Variants in OCIAD2 observed in about 807,000 individuals in gnomAD.
OCIAD2 encodes OCIA domain-containing protein 2.
OCIAD2 carries 29 observed loss-of-function variants against 22.9 expected under a neutral mutation model. The ratio of observed to expected loss-of-function variants is 1.27; its 90% CI spans 0.94 to 1.73. The LOEUF (loss-of-function observed/expected upper bound fraction) is 1.73. Among genes scored for constraint, OCIAD2 ranks in the 40% most tolerant of loss-of-function variants. OCIAD2 has a pLI of 0.00. For missense variants in OCIAD2, 189 were observed against 180.3 expected (o/e 1.05, Z -0.28); for synonymous variants, 67 against 60.2 (o/e 1.11, Z -0.52).
intron 6 of OCIAD2, among the ~76,000 whole-genome samples, chr4:48,890,612 A>G (rs1033480140): frequency 1.3e-5 from 2 of 152,184 alleles, no homozygotes; most frequent in Admixed American, 6.5e-5. Context: ...ATACCAAGGA[A>G]AATGCACAGG....
At chr4:48,900,684 A>G (rs1781396851) in intron 2 of OCIAD2, among the ~76,000 whole-genome samples, 1 of 149,022 alleles carries the variant, frequency 6.7e-6, no homozygotes, top group Non-Finnish European at 1.5e-5. Context: ...CTGGGCTAGA[A>G]TGCAAGGGCG....
At position 48,898,331 on chromosome 4, in the gene OCIAD2, CTCTT is replaced by C. The variant is rs755221764; in HGVS notation, c.164-478_164-475del. 3.8e-3 allele frequency among the ~76,000 whole-genome samples: 582 copies of C among 152,252 alleles called. 4 individuals carry two copies. The highest frequency in any genetic ancestry group is 6.2e-3 in the Non-Finnish European group (425 of 68,008). ...GAACATTTTGCCAAATTTGCTTTAT[CTCTT>C]TCTAATTTTTCCTTTTTTGTCTGAG... On this transcript the variant is annotated intron_variant, in intron 3 of 6. Transcript: ENST00000508632.
chr4:48,896,246 A>C (rs1781298613), intron 4 of OCIAD2, among the ~76,000 whole-genome samples: 1 of 152,004 alleles, frequency 6.6e-6, no homozygotes, highest in African/African-American at 2.4e-5. Context: ...CCAGAAAAGA[A>C]CTAGGACTTC....
chr4:48,895,686 C>T (rs78039621), intron 4 of OCIAD2, among the ~76,000 whole-genome samples: 3,220 of 152,274 alleles, frequency 0.021, 42 homozygotes, highest in Middle Eastern at 0.037. Context: ...ATTCACACCA[C>T]AAGCAGTAGA....
At chr4:48,900,468 C>A (rs1164635500) in intron 2 of OCIAD2, among the ~76,000 whole-genome samples, 1 of 151,764 alleles carries the variant, frequency 6.6e-6, no homozygotes, top group Non-Finnish European at 1.5e-5. Context: ...TACTTTCAAT[C>A]TGGATGCTTT....
chr4:48,896,308 G>A (rs1167923426), intron 4 of OCIAD2, among the ~76,000 whole-genome samples: 1 of 151,978 alleles, frequency 6.6e-6, no homozygotes, highest in Non-Finnish European at 1.5e-5. Flanking sequence ...TGGTAATCAA[G>A]GCTGGGTGTG....
chr4:48,892,935 A>G (rs1337867615), intron 5 of OCIAD2, 46 bp from the exon 6 acceptor site: 1 of 958,326 alleles, frequency 1.0e-6, no homozygotes, highest in East Asian at 2.6e-5. Flanking sequence ...CTTCTCCATT[A>G]GTTATTTTCT....
intron 1 of OCIAD2, among the ~76,000 whole-genome samples, chr4:48,906,307 G>C (rs1323679797): frequency 6.6e-6 from 1 of 152,176 alleles, no homozygotes; most frequent in Non-Finnish European, 1.5e-5. Flanking sequence ...CGACGAATGT[G>C]CGGAGGAGGG....
intron 6 of OCIAD2, among the ~76,000 whole-genome samples, chr4:48,890,056 T>C (rs1361810901): frequency 7.8e-6 from 1 of 127,768 alleles, no homozygotes; most frequent in African/African-American, 3.0e-5. Context: ...AACTGAACAA[T>C]GAGAACACTT....
intron 4 of OCIAD2, chr4:48,897,120 C>T (rs1398245094): frequency 6.6e-6 from 1 of 152,584 alleles, no homozygotes; most frequent in East Asian, 1.9e-4. Context: ...CTCCCTGCAA[C>T]ATCCTTATTT....
intron 6 of OCIAD2, among the ~76,000 whole-genome samples, chr4:48,890,021 C>T (rs187908687): frequency 6.7e-6 from 1 of 149,340 alleles, no homozygotes; most frequent in South Asian, 2.1e-4. Context: ...AAACCAAACA[C>T]CGCATGTTCT....
At chr4:48,899,692 A>G in intron 3 of OCIAD2, 137 bp downstream of exon 3, 1 of 620,574 alleles carries the variant, frequency 1.6e-6, no homozygotes. Flanking sequence ...ACTTGGATTT[A>G]AACTCTAAAC....
At chr4:48,904,863 A>G (rs1404136121) in intron 1 of OCIAD2, among the ~76,000 whole-genome samples, 1 of 152,206 alleles carries the variant, frequency 6.6e-6, no homozygotes, top group Non-Finnish European at 1.5e-5. Flanking sequence ...GTGCCAGGCC[A>G]GGGGATATGA....
intron 4 of OCIAD2, among the ~76,000 whole-genome samples, chr4:48,896,401 G>T (rs2605241): frequency 0.07 from 10,698 of 152,028 alleles, 412 homozygotes; most frequent in Non-Finnish European, 0.089. Flanking sequence ...ACCAGCCTAG[G>T]CAATATAGTG....
chr4:48,904,948 A>C (rs1336300741), intron 1 of OCIAD2, among the ~76,000 whole-genome samples: 1 of 152,208 alleles, frequency 6.6e-6, no homozygotes, highest in Non-Finnish European at 1.5e-5. Flanking sequence ...CAACAGTTAC[A>C]CAACATGAAA....
intron 6 of OCIAD2, among the ~76,000 whole-genome samples, chr4:48,886,636 C>T (rs148250706): frequency 0.015 from 2,325 of 152,166 alleles, 15 homozygotes; most frequent in Middle Eastern, 0.061. Context: ...TGATGGTTTC[C>T]AGTTTCATCC....
At position 48,899,864 on chromosome 4, in the gene OCIAD2, A is replaced by G. The variant is rs768429336; in HGVS notation, c.128T>C (p.Met43Thr). 1.9e-6 allele frequency: 3 copies of G among 1,613,758 alleles called. No individual in the cohort carries two copies. The highest frequency in any genetic ancestry group is 2.7e-5 in the African/African-American group (2 of 74,924). Reference protein sequence around the residue: ...HIHRAEISKIMRECQEESFWK... With the variant: ...HIHRAEISKITRECQEESFWK... Reference sequence around the variant, plus strand: ...GAAACTTTCTTCCTGACATTCTCGCATAATCTTTGAGATCTCTGCTCTGTG... The same window carrying G: ...GAAACTTTCTTCCTGACATTCTCGCGTAATCTTTGAGATCTCTGCTCTGTG... Residue 43 changes from methionine (M) to threonine (T), a missense_variant, in exon 3 of 7, where the codon ATG (methionine) becomes ACG (threonine). Transcript: ENST00000508632.
At chr4:48,900,752 C>G (rs1781398485) in intron 2 of OCIAD2, among the ~76,000 whole-genome samples, 1 of 151,560 alleles carries the variant, frequency 6.6e-6, no homozygotes, top group Non-Finnish European at 1.5e-5. Context: ...CCTACCTTAG[C>G]TCCCCTAGAA....
chr4:48,892,779 G>A lies in OCIAD2; in HGVS notation c.376C>T (p.His126Tyr). The change falls in exon 6 of 7, where the codon CAT (histidine) becomes TAT (tyrosine). Residue 126 changes from histidine to tyrosine, a missense_variant. By Grantham distance (83) the His-to-Tyr change is moderately conservative. Coordinates refer to ENST00000508632, the MANE Select transcript of OCIAD2 (RefSeq NM_001014446.3). ...QLRGAGFGPQ[H>Y]NRHCLLTCEE... ...ACCAAACAGATTACAAACCTGTTATGCTGTGGACCAAAACCAGCCCCACGG... is the reference window on the plus strand; with the variant it reads ...ACCAAACAGATTACAAACCTGTTATACTGTGGACCAAAACCAGCCCCACGG... 1.3e-6 allele frequency: 2 copies of A among 1,555,582 alleles called. No individual in the cohort carries two copies. Among genetic ancestry groups the A allele is most frequent in the Non-Finnish European group, 1.8e-6 (2 of 1,129,414 alleles).
Sources: allele counts gnomAD v4.1 joint callset (sites outside exome capture counted in the v4.1 genomes callset), GRCh38; gene constraint gnomAD v4.1.1; transcripts MANE v1.5; gene names NCBI Gene and HGNC (gene_info 2026-07-23, HGNC 2026-07-21).